RBPJ: variants seen among roughly 807,000 people sequenced by gnomAD.
The protein encoded by RBPJ is recombining binding protein suppressor of hairless.
RBPJ carries 9 observed loss-of-function variants against 67.8 expected under a neutral mutation model. That is an observed-to-expected ratio of 0.13 (90% CI 0.08 to 0.23). The LOEUF is 0.23. RBPJ is among the 10% of genes least tolerant of loss of function. The pLI, the probability that RBPJ is intolerant of heterozygous loss-of-function variation, is 1.00. For synonymous variants in RBPJ, 198 were observed against 203.3 expected, an observed-to-expected ratio of 0.97 and a Z score of 0.22; for missense variants, 305 against 595.6, an observed-to-expected ratio of 0.51 and a Z score of 5.08.
At chr4:26,350,304 C>T (rs1204694939) in intron 1 of RBPJ, among the ~76,000 whole-genome samples, 1 of 152,078 alleles carries the variant, frequency 6.6e-6, no homozygotes, top group Non-Finnish European at 1.5e-5. Flanking sequence ...CCCTATGATC[C>T]TCAACAGCTT....
chr4:26,119,603 T>C, the RBPJ span, among the ~76,000 whole-genome samples: 31 of 152,328 alleles, frequency 2.0e-4, no homozygotes, highest in African/African-American at 7.2e-4. Flanking sequence ...CTATCCACAT[T>C]CTACCCATCC....
intron 1 of RBPJ, among the ~76,000 whole-genome samples, chr4:26,255,659 A>C: frequency 6.8e-6 from 1 of 146,312 alleles, no homozygotes; most frequent in East Asian, 2.1e-4. Context: ...AAAATTAGCC[A>C]GGCGTGGTGG....
chr4:26,294,326 T>C, intron 1 of RBPJ, among the ~76,000 whole-genome samples: 1 of 151,662 alleles, frequency 6.6e-6, no homozygotes, highest in Non-Finnish European at 1.5e-5. Flanking sequence ...CTTGAACTCC[T>C]GACCTTGTGA....
intron 1 of RBPJ, among the ~76,000 whole-genome samples, chr4:26,191,204 T>G (rs1183820815): frequency 0.014 from 438 of 31,690 alleles, 1 homozygote; most frequent in East Asian, 0.037. Context: ...TATATATATA[T>G]ATATATAGAG....
At chr4:26,158,971 CT>C (rs1716028855), upstream of RBPJ, among the ~76,000 whole-genome samples, 1 of 151,764 alleles carries the variant, frequency 6.6e-6, no homozygotes, top group Non-Finnish European at 1.5e-5. Context: ...CTCTCTCTCT[CT>C]CTCTCTCTCT....
At chr4:26,208,559 T>C (rs945995549) in intron 1 of RBPJ, among the ~76,000 whole-genome samples, 3 of 152,198 alleles carry the variant, frequency 2.0e-5, no homozygotes, top group African/African-American at 7.2e-5. Context: ...GGAGACAAAC[T>C]GAAAGGATTT....
At chr4:26,353,896 G>A (rs76518677) in intron 1 of RBPJ, among the ~76,000 whole-genome samples, 1 of 151,740 alleles carries the variant, frequency 6.6e-6, no homozygotes, top group African/African-American at 2.4e-5. Context: ...ACAGTTGTAA[G>A]CTACTGTGCC....
At chr4:26,222,063 G>C (rs1718927776) in intron 1 of RBPJ, among the ~76,000 whole-genome samples, 1 of 152,206 alleles carries the variant, frequency 6.6e-6, no homozygotes, top group Admixed American at 6.5e-5. Context: ...GCCCTAGAGT[G>C]TGTGATCTGC....
chr4:26,429,194 T>C (rs1215407505), intron 8 of RBPJ, among the ~76,000 whole-genome samples: 3 of 152,186 alleles, frequency 2.0e-5, no homozygotes, highest in African/African-American at 7.2e-5. Context: ...GTGCAAACAT[T>C]GTATAGACAA....
At chr4:26,211,844 A>T (rs1236461660) in intron 1 of RBPJ, among the ~76,000 whole-genome samples, 2 of 152,198 alleles carry the variant, frequency 1.3e-5, no homozygotes, top group Non-Finnish European at 2.9e-5. Flanking sequence ...GTAATTAGTT[A>T]AGATGAGATC....
At chr4:26,255,466 A>G (rs1392482268) in intron 1 of RBPJ, among the ~76,000 whole-genome samples, 2 of 149,874 alleles carry the variant, frequency 1.3e-5, no homozygotes, top group South Asian at 2.1e-4. Flanking sequence ...ATGTTTTCCA[A>G]TAACGTTGCT....
chr4:26,345,038 T>C (rs1378546156), intron 1 of RBPJ, among the ~76,000 whole-genome samples: 3 of 152,254 alleles, frequency 2.0e-5, no homozygotes, highest in Non-Finnish European at 4.4e-5. Flanking sequence ...AGCTTAAACT[T>C]TGACAGTAAC....
At chr4:26,151,122 C>T in the RBPJ span, among the ~76,000 whole-genome samples, 2 of 152,136 alleles carry the variant, frequency 1.3e-5, no homozygotes, top group Non-Finnish European at 2.9e-5. Context: ...CCAAATGGCA[C>T]CGAAGCAGCA....
chr4:26,211,565 C>T (rs1718422608), intron 1 of RBPJ, among the ~76,000 whole-genome samples: 1 of 152,192 alleles, frequency 6.6e-6, no homozygotes, highest in South Asian at 2.1e-4. Context: ...GCACGACCAT[C>T]ATCAATTTAT....
chr4:26,191,667 C>T (rs570553537), intron 1 of RBPJ, among the ~76,000 whole-genome samples: 3 of 152,268 alleles, frequency 2.0e-5, no homozygotes, highest in African/African-American at 4.8e-5. Context: ...CCAGCAATGA[C>T]GGGAGACTAC....
At chr4:26,344,582 G>A (rs1725937622) in intron 1 of RBPJ, among the ~76,000 whole-genome samples, 1 of 152,124 alleles carries the variant, frequency 6.6e-6, no homozygotes. Flanking sequence ...GACATCACCT[G>A]GAGCTGACCT....
the RBPJ span, among the ~76,000 whole-genome samples, chr4:26,137,841 G>A: frequency 6.6e-6 from 1 of 152,144 alleles, no homozygotes; most frequent in Non-Finnish European, 1.5e-5. Flanking sequence ...CTAGTCTCAG[G>A]AATGCATATT....
intron 1 of RBPJ, among the ~76,000 whole-genome samples, chr4:26,171,044 G>A (rs184019409): frequency 6.6e-5 from 10 of 152,326 alleles, no homozygotes; most frequent in African/African-American, 2.4e-4. Flanking sequence ...TGATCTTGTG[G>A]CTTGAGCATT....
At chr4:26,315,198 G>A (rs1232960214), upstream of RBPJ, among the ~76,000 whole-genome samples, 45 of 95,334 alleles carry the variant, frequency 4.7e-4, no homozygotes, top group African/African-American at 1.4e-3. Context: ...ATATATGTAT[G>A]TATATACTGG....
Sources: allele counts gnomAD v4.1 joint callset (sites outside exome capture counted in the v4.1 genomes callset), GRCh38; gene constraint gnomAD v4.1.1; transcripts MANE v1.5; gene names NCBI Gene and HGNC (gene_info 2026-07-23, HGNC 2026-07-21).